Variants in HABP2 observed in about 807,000 individuals in gnomAD.
HABP2 encodes factor VII-activating protease.
HABP2 carries 65 observed loss-of-function variants against 66.5 expected under a neutral mutation model. The observed-to-expected ratio is 0.98, with a 90% CI of 0.80 to 1.20. The LOEUF is 1.20. Among genes scored for constraint, HABP2 ranks in the 50% most tolerant of loss-of-function variants. The pLI is 0.00. For missense variants in HABP2, 786 were observed against 691.0 expected (o/e 1.14, Z -1.54); for synonymous variants, 263 against 253.9 (o/e 1.04, Z -0.34).
Position 113,553,129 on chromosome 10 carries a change from C to T in HABP2, c.8C>T (p.Ala3Val). 6.2e-7 allele frequency: 1 copy of T among 1,612,800 alleles called. No individual in the cohort carries two copies. Among genetic ancestry groups the T allele is most frequent in the Non-Finnish European group, 8.5e-7 (1 of 1,178,816 alleles). ...AGTCCTTAAACTGCAAAGATGTTTGCCAGGATGTCTGATCTCCATGTTCTG... is the reference window on the plus strand; with the variant it reads ...AGTCCTTAAACTGCAAAGATGTTTGTCAGGATGTCTGATCTCCATGTTCTG... MF[A>V]RMSDLHVLLL... The change falls in exon 1 of 13, where the codon GCC (alanine) becomes GTC (valine). Residue 3 changes from alanine to valine, a missense_variant. Coordinates refer to ENST00000351270, the MANE Select transcript of HABP2 (RefSeq NM_004132.5).
intron 1 of HABP2, among the ~76,000 whole-genome samples, chr10:113,563,786 A>G (rs1845145248): frequency 6.6e-6 from 1 of 152,142 alleles, no homozygotes; most frequent in South Asian, 2.1e-4. Context: ...TCTTCTGCCC[A>G]CTTCTTAGGA....
chr10:113,583,508 TTA>T lies in HABP2; in HGVS notation c.1237+151_1237+152del, dbSNP rs537674805. On this transcript the variant is annotated intron_variant, in intron 10 of 12. Coordinates refer to ENST00000351270, the MANE Select transcript of HABP2 (RefSeq NM_004132.5). ...GGTAGGGAATGTATTCCAGGGATTT[TTA>T]GTTTTTGAGGGTATGTGCAAATGTA... 352 of 703,272 alleles carry T rather than the reference TTA, an allele frequency of 5.0e-4. 3 individuals are homozygous for T. In the African/African-American group the frequency reaches 5.8e-3, roughly 12 times the overall value. The allele number at this position is 703,272 out of a possible 1,614,324, so 43.6% of individuals were successfully genotyped here. A position where few individuals can be genotyped will look rare whatever the true frequency, so the allele number is the denominator to read the frequency against.
intron 7 of HABP2, among the ~76,000 whole-genome samples, chr10:113,579,009 C>T (rs1435754613): frequency 2.0e-5 from 3 of 151,712 alleles, no homozygotes; most frequent in Non-Finnish European, 4.4e-5. Flanking sequence ...GTAATCCTAG[C>T]ACTTTCAGAG....
At position 113,554,985 on chromosome 10, in the gene HABP2, A is replaced by G. The variant is rs776469383; in HGVS notation, c.69+1795A>G. Among the ~76,000 whole-genome samples the G allele has an allele frequency of 4.9e-4, 74 of 152,364 alleles. 1 individual carries two copies. The highest frequency in any genetic ancestry group is 3.4e-3 in the Middle Eastern group (1 of 294). On this transcript the variant is annotated intron_variant, in intron 1 of 12. Transcript: ENST00000351270. The stretch of plus-strand genomic sequence containing the variant: ...GGCGGCTTGTGTTCCACAGGCTGGC[A>G]TACAGACATCAGGGGAAAGTGGCCA...
rs113670262 is a variant in HABP2 at position 113,587,296 on chromosome 10, A to T, written c.1519-909A>T. Among the ~76,000 whole-genome samples the T allele has an allele frequency of 9.7e-3, 1,477 of 152,164 alleles. 18 individuals are homozygous for T. The highest frequency in any genetic ancestry group is 0.033 in the African/African-American group (1,388 of 41,490). ...GGTGCCACTGCACTCCAGCCTGGGC[A>T]ACAAAGCGAGACCCTGTCTCAAAAA... On this transcript the variant is annotated intron_variant, in intron 12 of 12. Coordinates refer to ENST00000351270, the MANE Select transcript of HABP2 (RefSeq NM_004132.5).
intron 2 of HABP2, among the ~76,000 whole-genome samples, chr10:113,571,166 T>C (rs756917245): frequency 8.5e-5 from 13 of 152,242 alleles, no homozygotes; most frequent in Admixed American, 6.5e-5. Flanking sequence ...TTGACAATTT[T>C]GGCTGGGTTC....
intron 1 of HABP2, among the ~76,000 whole-genome samples, chr10:113,556,602 C>T (rs777110036): frequency 1.3e-5 from 2 of 151,842 alleles, no homozygotes; most frequent in African/African-American, 2.4e-5. Context: ...GTAGTCTCAG[C>T]TACTTGGGAG....
chr10:113,575,618 T>C (rs1243923152), intron 3 of HABP2, among the ~76,000 whole-genome samples: 3 of 152,116 alleles, frequency 2.0e-5, no homozygotes, highest in Non-Finnish European at 4.4e-5. Flanking sequence ...GGGGAGTTTC[T>C]CAATGAGAAA....
intron 1 of HABP2, among the ~76,000 whole-genome samples, chr10:113,554,803 T>A (rs569900156): frequency 6.6e-6 from 1 of 152,264 alleles, no homozygotes; most frequent in Admixed American, 6.5e-5. Context: ...CCCATTGAAT[T>A]TTTAGGGTTA....
intron 1 of HABP2, among the ~76,000 whole-genome samples, chr10:113,559,216 T>C (rs1279685157): frequency 6.6e-6 from 1 of 152,174 alleles, no homozygotes; most frequent in Non-Finnish European, 1.5e-5. Flanking sequence ...TTACCCAGTC[T>C]CCTTGTCTTG....
upstream of HABP2, among the ~76,000 whole-genome samples, chr10:113,552,219 G>A (rs1488546274): frequency 6.6e-6 from 1 of 152,134 alleles, no homozygotes; most frequent in African/African-American, 2.4e-5. Context: ...TTCAAAACCT[G>A]GATTTATGAC....
intron 2 of HABP2, among the ~76,000 whole-genome samples, chr10:113,571,869 A>T (rs1451852564): frequency 6.6e-6 from 1 of 152,224 alleles, no homozygotes; most frequent in Non-Finnish European, 1.5e-5. Flanking sequence ...AACCTGGCAT[A>T]ACACTTGGTC....
Position 113,583,440 on chromosome 10 carries a change from A to G in HABP2, c.1237+82A>G, listed in dbSNP as rs989392675. 28 of 1,254,070 alleles carry G rather than the reference A, an allele frequency of 2.2e-5. No homozygotes were observed. In the African/African-American group the frequency reaches 3.9e-4, roughly 17 times the overall value. 77.7% of individuals were successfully genotyped at this position (1,254,070 alleles called of 1,614,324 possible). ...GACCAGAAAGCTGAAGTTTGGTTCT[A>G]GAAGGTGCTCTTGATTGTTTTTGGT... On this transcript the variant is annotated intron_variant, in intron 10 of 12. Coordinates refer to ENST00000351270, the MANE Select transcript of HABP2 (RefSeq NM_004132.5).
chr10:113,575,304 C>T (rs141067980), intron 3 of HABP2, among the ~76,000 whole-genome samples: 113 of 152,338 alleles, frequency 7.4e-4, no homozygotes, highest in African/African-American at 2.6e-3. Flanking sequence ...TGAAAAGCCA[C>T]AGGCACAGAT....
intron 8 of HABP2, among the ~76,000 whole-genome samples, chr10:113,580,955 A>G (rs1845517160): frequency 6.6e-6 from 1 of 152,158 alleles, no homozygotes; most frequent in African/African-American, 2.4e-5. Context: ...CTCAACAGAT[A>G]TTTACCCATC....
chr10:113,564,147 G>GTCTTACAGAGTCT (rs1219399359), intron 1 of HABP2, among the ~76,000 whole-genome samples: 2 of 152,132 alleles, frequency 1.3e-5, no homozygotes, highest in Non-Finnish European at 2.9e-5. Flanking sequence ...ATGGTGGCAG[G>GTCTTACAGAGTCT]CAAAACAGTG....
rs755018333 is a variant in HABP2, at chr10:113,588,897, G to A, written c.*528G>A. 1.1e-4 allele frequency: 130 copies of A among 1,160,414 alleles called. No individual in the cohort carries two copies. The highest frequency in any genetic ancestry group is 6.3e-4 in the South Asian group (48 of 76,374). The allele number at this position is 1,160,414 out of a possible 1,614,324, so 71.9% of individuals were successfully genotyped here. ...GGCTGGTGGGCCATTCCAGCTTGCC[G>A]AAATCAAAGCCATCTGAAGCCTGTC... On this transcript the variant is annotated 3_prime_UTR_variant, in exon 13 of 13. Transcript: ENST00000351270.
At chr10:113,555,985 ATGTT>A (rs760630424) in intron 1 of HABP2, among the ~76,000 whole-genome samples, 24 of 152,324 alleles carry the variant, frequency 1.6e-4, no homozygotes, top group Non-Finnish European at 3.4e-4. Context: ...CCAGAGGACA[ATGTT>A]TGTCAAGCTT....
upstream of HABP2, among the ~76,000 whole-genome samples, chr10:113,551,200 CA>C (rs1844892422): frequency 2.6e-5 from 4 of 152,186 alleles, no homozygotes; most frequent in African/African-American, 9.7e-5. Flanking sequence ...GCATCTATGC[CA>C]AGGATTCAAT....
Sources: gnomAD v4.1 joint callset for allele counts (sites outside exome capture counted in the v4.1 genomes callset) on GRCh38, gnomAD v4.1.1 for gene constraint, MANE v1.5 for transcripts, NCBI Gene and HGNC (gene_info 2026-07-23, HGNC 2026-07-21) for gene names.